BAMBI: variants seen among roughly 807,000 people sequenced by gnomAD.
BAMBI encodes BMP and activin membrane bound inhibitor.
Under a neutral mutation model 24.1 loss-of-function variants are expected in BAMBI, and 21 were observed. That is an observed-to-expected ratio of 0.87 (90% CI 0.62 to 1.26). BAMBI has a LOEUF of 1.26. Ranked by LOEUF, BAMBI falls within the 50% of genes most tolerant of loss-of-function variation. BAMBI has a pLI of 0.00. For synonymous variants in BAMBI, 156 were observed against 123.1 expected (o/e 1.27, Z -1.77); for missense variants, 388 against 329.1 (o/e 1.18, Z -1.38).
Position 28,682,182 on chromosome 10 carries a change from A to T in BAMBI, c.564A>T (p.Gln188His), listed in dbSNP as rs762890643. 3.1e-6 allele frequency: 5 copies of T among 1,614,216 alleles called. No homozygotes were observed. Among genetic ancestry groups the T allele is most frequent in the Non-Finnish European group, 4.2e-6 (5 of 1,180,038 alleles). The change falls in exon 3 of 3, where the codon CAA (glutamine) becomes CAT (histidine). Residue 188 changes from glutamine (Q) to histidine (H), a missense_variant. Coordinates refer to ENST00000375533, the MANE Select transcript of BAMBI (RefSeq NM_012342.3). ...SENKRLQDQRQQMLSRLHYSF... is the reference protein window; with the variant it reads ...SENKRLQDQRHQMLSRLHYSF... ...ATAAGAGGCTGCAGGATCAGCGGCA[A>T]CAGATGCTCTCCCGTTTGCACTACA...
intron 1 of BAMBI, among the ~76,000 whole-genome samples, chr10:28,680,691 T>C (rs1303645350): frequency 6.6e-6 from 1 of 152,198 alleles, no homozygotes; most frequent in East Asian, 1.9e-4. Context: ...AGGCAAAAAG[T>C]TTGCCTTTTC....
Position 28,682,335 on chromosome 10 carries a change from C to T in BAMBI, c.717C>T (p.Asn239=), listed in dbSNP as rs142589357. The change falls in exon 3 of 3, where the codon AAC becomes AAT. Residue 239 remains asparagine (N), a synonymous_variant. Coordinates refer to ENST00000375533, the MANE Select transcript of BAMBI (RefSeq NM_012342.3). ...AAATGAGACAAGCAGACCTCAGCAA[C>T]GATAAGATCCTCTCGCTTGTTCACT... is the stretch of plus-strand genomic sequence containing the variant. The part of the protein sequence containing the change: ...CDKMRQADLS[N]DKILSLVHWG... 3.1e-4 allele frequency: 505 copies of T among 1,614,020 alleles called. No homozygotes were observed. The highest frequency in any genetic ancestry group is 1.1e-3 in the African/African-American group (79 of 74,980).
At chr10:28,678,173 T>A (rs1834457739) in intron 1 of BAMBI, among the ~76,000 whole-genome samples, 200 bp downstream of exon 1, 1 of 152,176 alleles carries the variant, frequency 6.6e-6, no homozygotes, top group African/African-American at 2.4e-5. Flanking sequence ...CAGGCGCTGA[T>A]CAGAGGGTCC....
At chr10:28,680,165 T>C (rs1001161266) in intron 1 of BAMBI, among the ~76,000 whole-genome samples, 1 of 152,128 alleles carries the variant, frequency 6.6e-6, no homozygotes, top group African/African-American at 2.4e-5. Flanking sequence ...AGGTTTCGGA[T>C]CTTCAGACGG....
Position 28,681,276 on chromosome 10 carries a change from G to A in BAMBI, c.95G>A (p.Cys32Tyr). The change falls in exon 2 of 3, where the codon TGT (cysteine) becomes TAT (tyrosine). Residue 32 changes from cysteine to tyrosine, a missense_variant. Physicochemically the swap from Cys to Tyr is radical, Grantham distance 194. Coordinates refer to ENST00000375533, the MANE Select transcript of BAMBI (RefSeq NM_012342.3). ...TTTTCAGGTGAAATTCGATGCTACT[G>A]TGATGCTGCCCACTGTGTAGCCACT... The part of the protein sequence containing the change: ...LLTKGEIRCY[C>Y]DAAHCVATGY... The A allele has an allele frequency of 1.2e-6, 2 of 1,612,872 alleles. No individual in the cohort carries two copies. The highest frequency in any genetic ancestry group is 1.7e-6 in the Non-Finnish European group (2 of 1,179,920).
In BAMBI at chr10:28,677,901, G is replaced by C; in HGVS notation, c.4G>C (p.Asp2His). ...GCCGCGGCCGTGCGGGGCGTCAATG[G>C]ATCGCCACTCCAGCTACATCTTCAT... MDRHSSYIFIWL... is the reference protein window; with the variant it reads MHRHSSYIFIWL... The change falls in exon 1 of 3, where the codon GAT becomes CAT. Residue 2 changes from aspartate to histidine, a missense_variant. By Grantham distance (81) the Asp-to-His change is moderately conservative. Coordinates refer to ENST00000375533, the MANE Select transcript of BAMBI (RefSeq NM_012342.3). 6.6e-7 allele frequency: 1 copy of C among 1,515,622 alleles called. No homozygotes were observed. Among genetic ancestry groups the C allele is most frequent in the Non-Finnish European group, 8.8e-7 (1 of 1,138,230 alleles). 93.9% of individuals were successfully genotyped at this position (1,515,622 alleles called of 1,614,324 possible).
Position 28,677,965 on chromosome 10 carries a change from T to G in BAMBI, c.68T>G (p.Leu23Arg), listed in dbSNP as rs1431292238. ...QLELCAMAVLLTKGEIRCYCD... is the reference protein window; with the variant it reads ...QLELCAMAVLRTKGEIRCYCD... ...GAGCTCTGCGCCATGGCCGTGCTGC[T>G]CACCAAAGGTGGGTGCCGGGGGCGC... is the stretch of plus-strand genomic sequence containing the variant. The change falls in exon 1 of 3, where the codon CTC becomes CGC. Residue 23 changes from leucine (L) to arginine (R), a missense_variant. Transcript: ENST00000375533. 3.9e-6 allele frequency: 6 copies of G among 1,526,182 alleles called. No homozygotes were observed. Among genetic ancestry groups the G allele is most frequent in the Non-Finnish European group, 5.3e-6 (6 of 1,142,608 alleles). The allele number at this position is 1,526,182 out of a possible 1,614,324, so 94.5% of individuals were successfully genotyped here.
rs1394359345 is a variant in BAMBI at position 28,677,829 on chromosome 10, G to C, written c.-69G>C. ...AGGGCCCATGCCCTGCGCGCTCCGG[G>C]GGTCGTAGGCTGCCGCCGAGCCGGG... is the stretch of plus-strand genomic sequence containing the variant. On this transcript the variant is annotated 5_prime_UTR_variant, in exon 1 of 3. Coordinates refer to ENST00000375533, the MANE Select transcript of BAMBI (RefSeq NM_012342.3). The C allele has an allele frequency of 1.5e-6, 2 of 1,321,928 alleles. No homozygotes were observed. Among genetic ancestry groups the C allele is most frequent in the Non-Finnish European group, 2.0e-6 (2 of 1,004,526 alleles). 81.9% of individuals were successfully genotyped at this position (1,321,928 alleles called of 1,614,324 possible). A position where few individuals can be genotyped will look rare whatever the true frequency, so the allele number is the denominator to read the frequency against.
rs377480665 is a variant in BAMBI, at chr10:28,682,395, C to T, written c.777C>T (p.Phe259=). Residue 259 remains phenylalanine, a synonymous_variant, in exon 3 of 3, where the codon TTC becomes TTT. Coordinates refer to ENST00000375533, the MANE Select transcript of BAMBI (RefSeq NM_012342.3). ...GMYSGHGKLE[F]V Reference sequence around the variant, plus strand: ...ACAGTGGGCACGGGAAGCTGGAATTCGTATGACGGAGTCTTATCTGAACTA... The same window carrying T: ...ACAGTGGGCACGGGAAGCTGGAATTTGTATGACGGAGTCTTATCTGAACTA... 48 of 1,608,704 alleles carry T rather than the reference C, an allele frequency of 3.0e-5. No individual in the cohort carries two copies. The highest frequency in any genetic ancestry group is 1.7e-4 in the Admixed American group (10 of 59,890).
At chr10:28,678,410 T>G (rs1834461690) in intron 1 of BAMBI, among the ~76,000 whole-genome samples, 1 of 152,220 alleles carries the variant, frequency 6.6e-6, no homozygotes, top group Non-Finnish European at 1.5e-5. Flanking sequence ...AATGCATTTT[T>G]GTGTCTCTGA....
Position 28,681,723 on chromosome 10 carries a change from A to C in BAMBI, c.364+178A>C, listed in dbSNP as rs138207256. 54 of 776,176 alleles carry C rather than the reference A, an allele frequency of 7.0e-5. No homozygotes were observed. The East Asian group carries it at 1.5e-3, about 21-fold the overall frequency. 48.1% of individuals were successfully genotyped at this position (776,176 alleles called of 1,614,324 possible). A position where few individuals can be genotyped will look rare whatever the true frequency, so the allele number is the denominator to read the frequency against. On this transcript the variant is annotated intron_variant, in intron 2 of 2. Transcript: ENST00000375533. Reference sequence around the variant, plus strand: ...AGTGGCTTTTATGTCTGAGCATTAGATGTCTGTCTACATAATAGGTTTTGC... The same window carrying C: ...AGTGGCTTTTATGTCTGAGCATTAGCTGTCTGTCTACATAATAGGTTTTGC...
intron 2 of BAMBI, 176 bp from the exon 3 acceptor site, chr10:28,681,807 T>A: frequency 1.3e-6 from 1 of 782,796 alleles, no homozygotes; most frequent in Non-Finnish European, 2.0e-6. Flanking sequence ...AATGACAGTC[T>A]GTAAACAAAT....
chr10:28,681,141 C>T lies in BAMBI; in HGVS notation c.77-117C>T, dbSNP rs984219078. 40 of 1,085,432 alleles carry T rather than the reference C, an allele frequency of 3.7e-5. No homozygotes were observed. In the Admixed American group the frequency reaches 8.6e-4, roughly 23 times the overall value. 67.2% of individuals were successfully genotyped at this position (1,085,432 alleles called of 1,614,324 possible). On this transcript the variant is annotated intron_variant, in intron 1 of 2. Transcript: ENST00000375533. ...TCTCCAGGCTCTGTAGACTGGAGCCCTCAGCTTGGATGATCTAAAAGTTCA... is the reference window on the plus strand; with the variant it reads ...TCTCCAGGCTCTGTAGACTGGAGCCTTCAGCTTGGATGATCTAAAAGTTCA...
At chr10:28,679,370 G>A (rs1834472763) in intron 1 of BAMBI, among the ~76,000 whole-genome samples, 1 of 152,214 alleles carries the variant, frequency 6.6e-6, no homozygotes, top group Non-Finnish European at 1.5e-5. Flanking sequence ...ACAGTAACGA[G>A]AAGGGGACAG....
At position 28,682,162 on chromosome 10, in the gene BAMBI, A is replaced by T; in HGVS notation, c.544A>T (p.Arg182Trp). Residue 182 changes from arginine to tryptophan, a missense_variant, in exon 3 of 3, where the codon AGG becomes TGG. Transcript: ENST00000375533. ...ALRMLRSENK[R>W]LQDQRQQMLS... Reference sequence around the variant, plus strand: ...GAGGATGCTTCGAAGTGAAAATAAGAGGCTGCAGGATCAGCGGCAACAGAT... The same window carrying T: ...GAGGATGCTTCGAAGTGAAAATAAGTGGCTGCAGGATCAGCGGCAACAGAT... 6.2e-7 allele frequency: 1 copy of T among 1,614,142 alleles called. No individual in the cohort carries two copies. The highest frequency in any genetic ancestry group is 8.5e-7 in the Non-Finnish European group (1 of 1,180,024).
intron 1 of BAMBI, among the ~76,000 whole-genome samples, chr10:28,678,387 C>T (rs1052686166): frequency 1.1e-4 from 17 of 152,166 alleles, no homozygotes; most frequent in African/African-American, 4.1e-4. Context: ...GTCTCTGAGT[C>T]TCAGTATCCC....
In BAMBI at chr10:28,677,753, G is replaced by A. The variant is rs929162296; in HGVS notation, c.-145G>A. Reference sequence around the variant, plus strand: ...CCCTGTAGCCGCGCTCCATGCTCCGGCAGCGGCCCGAAACCCAGCCCCGCC... The same window carrying A: ...CCCTGTAGCCGCGCTCCATGCTCCGACAGCGGCCCGAAACCCAGCCCCGCC... On this transcript the variant is annotated 5_prime_UTR_variant, in exon 1 of 3. Transcript: ENST00000375533. The A allele has an allele frequency of 8.5e-4, 334 of 391,378 alleles. 3 individuals are homozygous for A. Among genetic ancestry groups the A allele is most frequent in the Non-Finnish European group, 3.9e-4 (96 of 244,946 alleles). The allele number at this position is 391,378 out of a possible 1,614,324, so 24.2% of individuals were successfully genotyped here.
chr10:28,678,087 A>C lies in BAMBI; in HGVS notation c.76+114A>C. On this transcript the variant is annotated intron_variant, in intron 1 of 2. Transcript: ENST00000375533. ...AGGCTCCCTCCTGCGCCGGAGCCGC[A>C]GGTCGCGACAAGTTGCTGTGTTCTT... is the stretch of plus-strand genomic sequence containing the variant. 5 of 938,828 alleles carry C rather than the reference A, an allele frequency of 5.3e-6. No individual in the cohort carries two copies. In the South Asian group the frequency reaches 9.3e-5, roughly 18 times the overall value. The allele number at this position is 938,828 out of a possible 1,614,324, so 58.2% of individuals were successfully genotyped here. A position where few individuals can be genotyped will look rare whatever the true frequency, so the allele number is the denominator to read the frequency against.
chr10:28,678,113 A>G (rs1714981619), intron 1 of BAMBI, 140 bp downstream of exon 1: 11 of 716,476 alleles, frequency 1.5e-5, no homozygotes, highest in Non-Finnish European at 2.3e-5. Context: ...CTGTGTTCTT[A>G]GAAGTCGCGG....
Sources: allele counts gnomAD v4.1 joint callset (sites outside exome capture counted in the v4.1 genomes callset), GRCh38; gene constraint gnomAD v4.1.1; transcripts MANE v1.5; gene names NCBI Gene and HGNC (gene_info 2026-07-23, HGNC 2026-07-21).